Variants in RAD18 observed in about 807,000 individuals in gnomAD.
The protein encoded by RAD18 is E3 ubiquitin-protein ligase RAD18.
Under a neutral mutation model 60.4 loss-of-function variants are expected in RAD18, and 47 were observed. The observed-to-expected ratio is 0.78, with a 90% confidence interval of 0.62 to 0.99. RAD18 has a LOEUF of 0.99. Among genes scored for constraint, RAD18 ranks in the 50% least tolerant of loss-of-function variants. RAD18 has a pLI of 0.00. For synonymous variants in RAD18, 225 were observed against 195.5 expected, an observed-to-expected ratio of 1.15 and a Z score of -1.26; for missense variants, 640 against 593.3, an observed-to-expected ratio of 1.08 and a Z score of -0.82.
chr3:8,950,203 T>C (rs45573032), intron 2 of RAD18, among the ~76,000 whole-genome samples: 2 of 152,060 alleles, frequency 1.3e-5, no homozygotes, highest in African/African-American at 4.8e-5. Context: ...ACCCAGCTAA[T>C]TTTTGTATTT....
At chr3:8,952,277 T>C (rs961490994) in intron 2 of RAD18, among the ~76,000 whole-genome samples, 2 of 152,198 alleles carry the variant, frequency 1.3e-5, no homozygotes, top group African/African-American at 4.8e-5. Flanking sequence ...CAGATATGGA[T>C]GAGACTCAAG....
intron 11 of RAD18, among the ~76,000 whole-genome samples, chr3:8,892,516 C>G (rs1367999433): frequency 6.6e-6 from 1 of 152,056 alleles, no homozygotes; most frequent in African/African-American, 2.4e-5. Context: ...TTTTTCACAC[C>G]TTTTAGTCAG....
chr3:8,957,230 G>A (rs961661964), intron 2 of RAD18, among the ~76,000 whole-genome samples: 1 of 152,194 alleles, frequency 6.6e-6, no homozygotes, highest in Admixed American at 6.5e-5. Context: ...ACTCGGCATT[G>A]TTAAGATGTC....
intron 12 of RAD18, among the ~76,000 whole-genome samples, chr3:8,884,105 T>C (rs1278214198): frequency 6.6e-6 from 1 of 152,222 alleles, no homozygotes; most frequent in Non-Finnish European, 1.5e-5. Context: ...AACCCCGCTC[T>C]GCCTTCTCTG....
Position 8,935,900 on chromosome 3 carries a change from G to A in RAD18, c.860C>T (p.Ala287Val). 6.2e-7 allele frequency: 1 copy of A among 1,602,804 alleles called. No individual in the cohort carries two copies. The highest frequency in any genetic ancestry group is 8.5e-7 in the Non-Finnish European group (1 of 1,175,726). Residue 287 changes from alanine to valine, a missense_variant, in exon 7 of 13, where the codon GCC becomes GTC. Coordinates refer to ENST00000264926, the MANE Select transcript of RAD18 (RefSeq NM_020165.4). Reference sequence around the variant, plus strand: ...TTTAGGATGCAAAGCATCGCATTGGGCATTGTACATGTGTACAAATTCTTG... The same window carrying A: ...TTTAGGATGCAAAGCATCGCATTGGACATTGTACATGTGTACAAATTCTTG... ...RHQEFVHMYN[A>V]QCDALHPKSA...
intron 7 of RAD18, among the ~76,000 whole-genome samples, chr3:8,934,229 T>C (rs1940612537): frequency 6.6e-6 from 1 of 151,870 alleles, no homozygotes; most frequent in Non-Finnish European, 1.5e-5. Flanking sequence ...GATCTTGAAG[T>C]AGGCTAAGGC....
chr3:8,952,626 A>C (rs753733451), intron 2 of RAD18, among the ~76,000 whole-genome samples: 2 of 152,240 alleles, frequency 1.3e-5, no homozygotes, highest in African/African-American at 2.4e-5. Context: ...TAAGTCAAAA[A>C]TGGACAAATA....
intron 7 of RAD18, among the ~76,000 whole-genome samples, chr3:8,934,289 C>G (rs1940613722): frequency 6.6e-6 from 1 of 152,168 alleles, no homozygotes; most frequent in Non-Finnish European, 1.5e-5. Context: ...ATTTTAGGAA[C>G]TTCTACTCTT....
chr3:8,955,696 CAT>C (rs1473072953), intron 2 of RAD18, among the ~76,000 whole-genome samples: 1 of 152,210 alleles, frequency 6.6e-6, no homozygotes, highest in African/African-American at 2.4e-5. Context: ...TGGACAGACA[CAT>C]GAGAGAGAAA....
chr3:8,962,458 C>T (rs1401812193), intron 1 of RAD18, among the ~76,000 whole-genome samples: 1 of 152,226 alleles, frequency 6.6e-6, no homozygotes, highest in Non-Finnish European at 1.5e-5. Context: ...TTACTTTAGC[C>T]TTCACTTAAT....
intron 5 of RAD18, among the ~76,000 whole-genome samples, chr3:8,940,226 G>GT (rs1245431212): frequency 6.6e-6 from 1 of 152,134 alleles, no homozygotes; most frequent in African/African-American, 2.4e-5. Flanking sequence ...ATCTGTGGGG[G>GT]TATCTCGGGG....
intron 7 of RAD18, among the ~76,000 whole-genome samples, chr3:8,930,388 G>A (rs1318434344): frequency 6.6e-6 from 1 of 152,158 alleles, no homozygotes; most frequent in Non-Finnish European, 1.5e-5. Context: ...TAAATTAGTG[G>A]CTATCTAGGG....
At chr3:8,887,053 G>A (rs561524066) in intron 12 of RAD18, among the ~76,000 whole-genome samples, 2 of 152,302 alleles carry the variant, frequency 1.3e-5, no homozygotes, top group South Asian at 4.1e-4. Context: ...GCTGCAAGCT[G>A]GAAAGTAAAG....
At position 8,941,484 on chromosome 3, in the gene RAD18, A is replaced by G; in HGVS notation, c.587T>C (p.Leu196Ser). The G allele has an allele frequency of 1.2e-6, 2 of 1,606,142 alleles. No individual in the cohort carries two copies. Among genetic ancestry groups the G allele is most frequent in the Non-Finnish European group, 1.7e-6 (2 of 1,174,642 alleles). ...CTTCCTACCTTTAGTAACTTGTTTC[A>G]AAGTGGATGTCGAGGGTGGCTCAGG... is the stretch of plus-strand genomic sequence containing the variant. ...KRPEPPSTST[L>S]KQVTKVDCPV... Residue 196 changes from leucine (L) to serine (S), a missense_variant, in exon 5 of 13, where the codon TTG becomes TCG. Transcript: ENST00000264926.
chr3:8,933,531 AG>A (rs1465261026), intron 7 of RAD18, among the ~76,000 whole-genome samples: 1 of 152,240 alleles, frequency 6.6e-6, no homozygotes, highest in East Asian at 1.9e-4. Context: ...AGGAAACTAT[AG>A]AAAAACCAGT....
intron 7 of RAD18, among the ~76,000 whole-genome samples, chr3:8,922,247 C>A (rs556769740): frequency 6.6e-6 from 1 of 152,238 alleles, no homozygotes; most frequent in East Asian, 1.9e-4. Context: ...CCTACTACTG[C>A]ACTTCTCCAA....
intron 7 of RAD18, among the ~76,000 whole-genome samples, chr3:8,928,587 G>T (rs73810719): frequency 0.024 from 3,652 of 152,102 alleles, 136 homozygotes; most frequent in African/African-American, 0.08. Context: ...TAATCAAGAA[G>T]ATACATAATA....
intron 7 of RAD18, among the ~76,000 whole-genome samples, chr3:8,917,042 T>C (rs891002367): frequency 1.3e-5 from 2 of 152,122 alleles, no homozygotes; most frequent in African/African-American, 4.8e-5. Context: ...AACATGCATA[T>C]AGACACAAAG....
At position 8,902,537 on chromosome 3, in the gene RAD18, C is replaced by A. The variant is rs757289517; in HGVS notation, c.1028-17G>T. 5.7e-6 allele frequency: 9 copies of A among 1,591,888 alleles called. No homozygotes were observed. Among genetic ancestry groups the A allele is most frequent in the Non-Finnish European group, 7.7e-6 (9 of 1,169,566 alleles). On this transcript the variant is annotated splice_polypyrimidine_tract_variant and intron_variant, in intron 9 of 12. Transcript: ENST00000264926. ...GTTTTTTACCTGAAATTCAAAAGAT[C>A]TTCTCAGTAAAGCTAGGACTATGAA...
Sources: allele counts gnomAD v4.1 joint callset (sites outside exome capture counted in the v4.1 genomes callset), GRCh38; gene constraint gnomAD v4.1.1; transcripts MANE v1.5; gene names NCBI Gene and HGNC (gene_info 2026-07-23, HGNC 2026-07-21).